The following CSN1S1 variants were observed in gnomAD, a reference collection of about 807,000 sequenced individuals.
CSN1S1 encodes casein alpha s1, also known as alpha-S1-casein.
A neutral mutation model predicts 49.1 loss-of-function variants in CSN1S1; 63 were observed. The ratio of observed to expected loss-of-function variants is 1.28; its 90% CI spans 1.05 to 1.58. The LOEUF (loss-of-function observed/expected upper bound fraction) is 1.58, where lower values mean the gene tolerates loss of function less well. Ranked by LOEUF, CSN1S1 falls within the 40% of genes most tolerant of loss-of-function variation. The pLI is 0.00. For synonymous variants in CSN1S1, 78 were observed against 67.1 expected (o/e 1.16, Z -0.79); for missense variants, 260 against 224.7 (o/e 1.16, Z -1.01).
intron 9 of CSN1S1, among the ~76,000 whole-genome samples, chr4:69,938,192 G>T (rs1024104563): frequency 3.3e-5 from 5 of 151,672 alleles, no homozygotes; most frequent in Non-Finnish European, 7.4e-5. Flanking sequence ...ACATCCCAGG[G>T]CATGAGATTA....
At chr4:69,931,541 C>T (rs1722607369) in intron 1 of CSN1S1, among the ~76,000 whole-genome samples, 1 of 151,814 alleles carries the variant, frequency 6.6e-6, no homozygotes, top group Non-Finnish European at 1.5e-5. Context: ...ATTTGGGCAA[C>T]AAAATTAACT....
In CSN1S1 at chr4:69,938,075, C is replaced by G. The variant is rs185589274; in HGVS notation, c.243+252C>G. 2.6e-5 allele frequency among the ~76,000 whole-genome samples: 4 copies of G among 151,598 alleles called. No homozygotes were observed. The East Asian group carries it at 7.8e-4, about 30-fold the overall frequency. ...TTGAAATTGGAAGACGGAATTTAAG[C>G]CATTTAAATAATAATTAGTAAAAAA... On this transcript the variant is annotated intron_variant, in intron 9 of 15. Coordinates refer to ENST00000246891, the MANE Select transcript of CSN1S1 (RefSeq NM_001890.2).
chr4:69,940,010 T>C lies in CSN1S1; in HGVS notation c.277-11T>C. ...GAAATTAAAACTATGCATGTTTTAA[T>C]TTTTTTAAAGGAAATGTCTCTCAGT... is the stretch of plus-strand genomic sequence containing the variant. On this transcript the variant is annotated splice_polypyrimidine_tract_variant and intron_variant, in intron 10 of 15. Coordinates refer to ENST00000246891, the MANE Select transcript of CSN1S1 (RefSeq NM_001890.2). 7.2e-7 allele frequency: 1 copy of C among 1,382,144 alleles called. No individual in the cohort carries two copies. The highest frequency in any genetic ancestry group is 1.5e-5 in the African/African-American group (1 of 67,606). 85.6% of individuals were successfully genotyped at this position (1,382,144 alleles called of 1,614,324 possible).
At chr4:69,936,818 G>T (rs113023450) in intron 7 of CSN1S1, among the ~76,000 whole-genome samples, 32 of 151,990 alleles carry the variant, frequency 2.1e-4, no homozygotes, top group Admixed American at 1.4e-3. Context: ...ATGAAACAAG[G>T]CATTAGTGTG....
intron 12 of CSN1S1, among the ~76,000 whole-genome samples, 171 bp downstream of exon 12, chr4:69,941,231 C>T (rs897480411): frequency 4.6e-5 from 7 of 151,732 alleles, no homozygotes; most frequent in South Asian, 2.1e-4. Context: ...GGCATATTTG[C>T]GGGCAATGCT....
intron 4 of CSN1S1, 24 bp downstream of exon 4, chr4:69,934,734 A>G: frequency 6.2e-7 from 1 of 1,602,642 alleles, no homozygotes; most frequent in Non-Finnish European, 8.5e-7. Flanking sequence ...ATGGGGAGTC[A>G]GGATTCTCTC....
intron 1 of CSN1S1, among the ~76,000 whole-genome samples, chr4:69,931,730 C>G (rs1722613436): frequency 6.6e-6 from 1 of 151,726 alleles, no homozygotes; most frequent in South Asian, 2.1e-4. Flanking sequence ...ATATAAATGT[C>G]AGCATTTGTA....
chr4:69,936,932 A>G (rs903378115), intron 7 of CSN1S1, among the ~76,000 whole-genome samples, 189 bp from the exon 8 acceptor site: 3 of 151,978 alleles, frequency 2.0e-5, no homozygotes, highest in Non-Finnish European at 2.9e-5. Flanking sequence ...AAGTAATACA[A>G]TATCTGGCTC....
chr4:69,937,093 A>G, intron 7 of CSN1S1, 28 bp from the exon 8 acceptor site: 5 of 1,531,380 alleles, frequency 3.3e-6, no homozygotes, highest in Non-Finnish European at 4.4e-6. Flanking sequence ...ACAATCTGTC[A>G]TACCTAACTG....
intron 4 of CSN1S1, among the ~76,000 whole-genome samples, chr4:69,935,082 GT>G (rs1722727261): frequency 6.6e-6 from 1 of 151,936 alleles, no homozygotes; most frequent in Non-Finnish European, 1.5e-5. Context: ...GAATAATGTG[GT>G]TTTTTGGTGT....
rs28563121 is a variant in CSN1S1 at position 69,931,977 on chromosome 4, A to T, written c.-12-567A>T. On this transcript the variant is annotated intron_variant, in intron 1 of 15. Coordinates refer to ENST00000246891, the MANE Select transcript of CSN1S1 (RefSeq NM_001890.2). ...TAGCAAAACACGAAGTTATGGCTAG[A>T]TTCTTTATTTAAAAATTGAAAGAGA... Among the ~76,000 whole-genome samples the T allele has an allele frequency of 2.2e-3, 340 of 152,052 alleles. 2 individuals are homozygous for T. Among genetic ancestry groups the T allele is most frequent in the African/African-American group, 7.7e-3 (321 of 41,568 alleles).
intron 13 of CSN1S1, 64 bp downstream of exon 13, chr4:69,942,127 G>C: frequency 1.1e-6 from 1 of 926,996 alleles, no homozygotes; most frequent in Admixed American, 2.7e-5. Flanking sequence ...TTTTTATAAT[G>C]CATGATTCTC....
chr4:69,933,129 T>C (rs540365974), intron 2 of CSN1S1, among the ~76,000 whole-genome samples: 111 of 151,050 alleles, frequency 7.3e-4, no homozygotes, highest in Non-Finnish European at 1.3e-3. Flanking sequence ...ATTCAGCTAA[T>C]TGAGTGATCA....
Position 69,937,142 on chromosome 4 carries a change from C to T in CSN1S1, c.217C>T (p.Gln73Ter), listed in dbSNP as rs1031753841. The change falls in exon 8 of 16, where the codon CAG (glutamine) becomes TAG (stop). Residue 73 changes from glutamine (Q) to a stop codon, truncating the protein, a stop_gained and splice_region_variant. Coordinates refer to ENST00000246891, the MANE Select transcript of CSN1S1 (RefSeq NM_001890.2). LOFTEE classifies it high-confidence loss of function. ...EIKDTRNEST[Q>*]NCVVAEPEKM... The stretch of plus-strand genomic sequence containing the variant: ...GCAGGATACTAGGAATGAGTCTACT[C>T]AGGTGAGACCCTTTGTTTTAAAATT... 3 of 1,535,740 alleles carry T rather than the reference C, an allele frequency of 2.0e-6. No individual in the cohort carries two copies. The highest frequency in any genetic ancestry group is 1.4e-5 in the African/African-American group (1 of 72,006).
chr4:69,932,516 A>G, intron 1 of CSN1S1, 28 bp from the exon 2 acceptor site: 4 of 1,558,934 alleles, frequency 2.6e-6, no homozygotes, highest in Non-Finnish European at 3.5e-6. Flanking sequence ...ATAATATCTA[A>G]CTCTTTCTTT....
chr4:69,932,567 C>T lies in CSN1S1; in HGVS notation c.12C>T (p.Leu4=). 4 of 1,603,654 alleles carry T rather than the reference C, an allele frequency of 2.5e-6. 1 individual carries two copies. In the South Asian group the frequency reaches 3.4e-5, roughly 13 times the overall value. The change falls in exon 2 of 16, where the codon CTC becomes CTT. Residue 4 remains leucine, a synonymous_variant. Transcript: ENST00000246891. The part of the protein sequence containing the change: MRL[L]ILTCLVAVAL... The stretch of plus-strand genomic sequence containing the variant: ...AGGCTCTGATAACCATGAGGCTTCT[C>T]ATTCTCACCTGTCTTGTGGCTGTTG...
intron 14 of CSN1S1, among the ~76,000 whole-genome samples, chr4:69,944,490 C>G (rs1723085873): frequency 6.6e-6 from 1 of 151,874 alleles, no homozygotes; most frequent in African/African-American, 2.4e-5. Context: ...ATCTAAATGG[C>G]AAAAATTCCC....
chr4:69,937,076 C>G (rs951271977), intron 7 of CSN1S1, 45 bp from the exon 8 acceptor site: 2 of 1,492,744 alleles, frequency 1.3e-6, no homozygotes, highest in Middle Eastern at 1.7e-4. Context: ...AAATATATAT[C>G]TTCTTAACAA....
chr4:69,941,958 C>A, intron 12 of CSN1S1, 88 bp from the exon 13 acceptor site: 1 of 801,808 alleles, frequency 1.2e-6, no homozygotes, highest in South Asian at 2.4e-5. Context: ...AACATTGTCC[C>A]TGAACAAATG....
Sources: allele counts gnomAD v4.1 joint callset (sites outside exome capture counted in the v4.1 genomes callset), GRCh38; gene constraint gnomAD v4.1.1; transcripts MANE v1.5; gene names NCBI Gene and HGNC (gene_info 2026-07-23, HGNC 2026-07-21).